The following LINGO2 variants were observed in gnomAD, a reference collection of about 807,000 sequenced individuals.
The protein encoded by LINGO2 is leucine-rich repeat and immunoglobulin-like domain-containing nogo receptor-interacting protein 2.
Under a neutral mutation model 30.6 loss-of-function variants are expected in LINGO2, and 14 were observed. The ratio of observed to expected loss-of-function variants is 0.46; its 90% confidence interval spans 0.30 to 0.72. LINGO2 has a LOEUF of 0.72. Among genes scored for constraint, LINGO2 ranks in the 30% least tolerant of loss-of-function variants. The pLI is 0.07. For synonymous variants in LINGO2, 317 were observed against 288.5 expected (o/e 1.10, Z -1.00); for missense variants, 729 against 751.7 (o/e 0.97, Z 0.35).
chr9:28,993,217 A>G, the LINGO2 span, among the ~76,000 whole-genome samples: 4 of 152,080 alleles, frequency 2.6e-5, no homozygotes, highest in South Asian at 8.3e-4. Flanking sequence ...ACAAACTACC[A>G]TCAGAGAATA....
chr9:28,832,929 G>C, the LINGO2 span, among the ~76,000 whole-genome samples: 1 of 152,008 alleles, frequency 6.6e-6, no homozygotes. Context: ...TTACAGGGCT[G>C]TCTAGTCCAT....
At chr9:28,542,092 G>A (rs1441338043) in intron 1 of LINGO2, among the ~76,000 whole-genome samples, 2 of 152,122 alleles carry the variant, frequency 1.3e-5, no homozygotes, top group African/African-American at 4.8e-5. Flanking sequence ...ATTAGGAAGG[G>A]AAAGAAGTTA....
At chr9:28,859,808 C>T in the LINGO2 span, among the ~76,000 whole-genome samples, 22 of 151,868 alleles carry the variant, frequency 1.4e-4, 1 homozygote, top group South Asian at 8.3e-4. Context: ...ACGTGCAGTA[C>T]ACCAGGAACT....
chr9:28,986,949 T>C, the LINGO2 span, among the ~76,000 whole-genome samples: 2 of 152,020 alleles, frequency 1.3e-5, no homozygotes. Context: ...GTAGCTATTA[T>C]AACTGGAATT....
chr9:28,529,758 T>A (rs1316101532), intron 1 of LINGO2, among the ~76,000 whole-genome samples: 2 of 152,046 alleles, frequency 1.3e-5, no homozygotes, highest in African/African-American at 4.8e-5. Context: ...TAAGGTTGAA[T>A]ACCAGTTCTT....
rs187960603 is a variant in LINGO2 at position 28,626,094 on chromosome 9, A to G, written c.-365+44106T>C. Among the ~76,000 whole-genome samples, 5 of 152,258 alleles carry G rather than the reference A, an allele frequency of 3.3e-5. No individual in the cohort carries two copies. In the East Asian group the frequency reaches 5.8e-4, roughly 18 times the overall value. On this transcript the variant is annotated intron_variant, in intron 1 of 5. Coordinates refer to ENST00000379992, the Ensembl canonical transcript of LINGO2. ...CACAAATGCCAAAATTTGTATTCTC[A>G]TTCTTTTAAATTGTAACCATTTTAG... is the stretch of plus-strand genomic sequence containing the variant.
chr9:29,173,633 T>C, the LINGO2 span, among the ~76,000 whole-genome samples: 1 of 152,112 alleles, frequency 6.6e-6, no homozygotes, highest in Non-Finnish European at 1.5e-5. Flanking sequence ...AAACCATGTG[T>C]GAGATTAATT....
intron 5 of LINGO2, among the ~76,000 whole-genome samples, chr9:27,973,918 T>C (rs1820472494): frequency 6.6e-6 from 1 of 152,174 alleles, no homozygotes. Flanking sequence ...CCTGTGACAT[T>C]CCCAGATTAT....
chr9:28,922,618 A>T, the LINGO2 span, among the ~76,000 whole-genome samples: 1,114 of 152,290 alleles, frequency 7.3e-3, 16 homozygotes, highest in African/African-American at 0.025. Flanking sequence ...AGTAAATGGG[A>T]TCAAGAATGA....
At chr9:29,008,342 T>C in the LINGO2 span, among the ~76,000 whole-genome samples, 1 of 152,162 alleles carries the variant, frequency 6.6e-6, no homozygotes, top group South Asian at 2.1e-4. Flanking sequence ...GATATTTGGG[T>C]TGGATCCAAG....
the LINGO2 span, among the ~76,000 whole-genome samples, chr9:28,739,950 ATT>A: frequency 4.0e-5 from 5 of 125,710 alleles, no homozygotes. Flanking sequence ...ATATATATAT[ATT>A]TTTTTTTTCT....
At chr9:29,119,518 T>C in the LINGO2 span, among the ~76,000 whole-genome samples, 1 of 151,692 alleles carries the variant, frequency 6.6e-6, no homozygotes, top group Non-Finnish European at 1.5e-5. Context: ...ATAGGTCCAT[T>C]AATGTAAGAA....
intron 2 of LINGO2, among the ~76,000 whole-genome samples, chr9:28,461,614 C>A (rs531403117): frequency 8.2e-4 from 125 of 152,260 alleles, no homozygotes; most frequent in African/African-American, 2.8e-3. Flanking sequence ...GCTCACTTCC[C>A]TACAGCTGAT....
At chr9:28,236,337 T>C (rs1821563920) in intron 4 of LINGO2, among the ~76,000 whole-genome samples, 1 of 152,144 alleles carries the variant, frequency 6.6e-6, no homozygotes. Flanking sequence ...AGGGATTTCT[T>C]CAATCTGAAA....
chr9:28,184,317 T>C (rs1210005489), intron 4 of LINGO2, among the ~76,000 whole-genome samples: 1 of 152,202 alleles, frequency 6.6e-6, no homozygotes, highest in Non-Finnish European at 1.5e-5. Flanking sequence ...GTACCCATTC[T>C]CTTAAGTACC....
At chr9:28,442,155 A>C (rs1252562867) in intron 2 of LINGO2, among the ~76,000 whole-genome samples, 1 of 152,106 alleles carries the variant, frequency 6.6e-6, no homozygotes, top group Non-Finnish European at 1.5e-5. Flanking sequence ...ATTATAAAAA[A>C]AAAGTTTCCT....
At chr9:28,171,995 T>TC (rs1828600196) in intron 4 of LINGO2, among the ~76,000 whole-genome samples, 1 of 97,018 alleles carries the variant, frequency 1.0e-5, no homozygotes. Context: ...TCCAGCCTGG[T>TC]GACAGAGCAA....
At chr9:29,023,557 G>C in the LINGO2 span, among the ~76,000 whole-genome samples, 1 of 151,982 alleles carries the variant, frequency 6.6e-6, no homozygotes, top group African/African-American at 2.4e-5. Context: ...AGATACAGTA[G>C]TTACAAAATG....
At chr9:29,190,575 C>T in the LINGO2 span, among the ~76,000 whole-genome samples, 1 of 151,994 alleles carries the variant, frequency 6.6e-6, no homozygotes, top group African/African-American at 2.4e-5. Flanking sequence ...AGAAGTGCTG[C>T]TAGATAAATT....
Sources: allele counts gnomAD v4.1 joint callset (sites outside exome capture counted in the v4.1 genomes callset), GRCh38; gene constraint gnomAD v4.1.1; transcripts MANE v1.5; gene names NCBI Gene and HGNC (gene_info 2026-07-23, HGNC 2026-07-21).